ZMYM1: variants seen among roughly 807,000 people sequenced by gnomAD.
The protein encoded by ZMYM1 is zinc finger MYM-type containing 1.
A neutral mutation model predicts 60.0 loss-of-function variants in ZMYM1; 39 were observed. The ratio of observed to expected loss-of-function variants is 0.65; its 90% CI spans 0.50 to 0.85. The LOEUF (loss-of-function observed/expected upper bound fraction) is 0.85, where lower values mean the gene tolerates loss of function less well. ZMYM1 is among the 40% of genes least tolerant of loss of function. The probability of loss-of-function intolerance (pLI) is 0.00; values close to 1 mark genes in which losing one functional copy is unlikely to be tolerated. For missense variants in ZMYM1, 1,171 were observed against 1,309.5 expected, an observed-to-expected ratio of 0.89 and a Z score of 1.63; for synonymous variants, 413 against 454.0, an observed-to-expected ratio of 0.91 and a Z score of 1.15.
chr1:35,101,636 C>G (rs544090619), intron 4 of ZMYM1, among the ~76,000 whole-genome samples: 1 of 151,488 alleles, frequency 6.6e-6, no homozygotes, highest in African/African-American at 2.4e-5. Context: ...CTCTTACAAC[C>G]GCCCACCCCC....
intron 2 of ZMYM1, 94 bp downstream of exon 2, chr1:35,094,177 A>G: frequency 9.6e-7 from 1 of 1,046,084 alleles, no homozygotes; most frequent in East Asian, 2.7e-5. Flanking sequence ...TGAAAAACTC[A>G]AATCCTTATC....
Position 35,113,569 on chromosome 1 carries a change from CTG to C in ZMYM1, c.1742_1743del (p.Val581GlufsTer2). The C allele has an allele frequency of 6.2e-7, 1 of 1,613,694 alleles. No homozygotes were observed. The highest frequency in any genetic ancestry group is 8.5e-7 in the Non-Finnish European group (1 of 1,179,884). ...AGAGGAAACGACCAGTCAGTTTCAT[CTG>C]TGAATAAAGGCAATTTTTTAGAATT... On this transcript the variant is annotated frameshift_variant, in exon 10 of 10. Coordinates refer to ENST00000359858, the MANE Select transcript of ZMYM1 (RefSeq NM_024772.5). LOFTEE classifies it high-confidence loss of function.
chr1:35,078,205 C>G (rs1179769694), upstream of ZMYM1, among the ~76,000 whole-genome samples: 1 of 152,096 alleles, frequency 6.6e-6, no homozygotes, highest in Non-Finnish European at 1.5e-5. Context: ...TATAATATTT[C>G]AAATTACCAA....
At chr1:35,063,122 T>C (rs1468743644) in intron 1 of ZMYM1, among the ~76,000 whole-genome samples, 1 of 146,428 alleles carries the variant, frequency 6.8e-6, no homozygotes, top group African/African-American at 2.6e-5. Context: ...AGGTCAAGCC[T>C]TTTCTTTTTT....
At chr1:35,078,402 T>C (rs1445940076), upstream of ZMYM1, among the ~76,000 whole-genome samples, 1 of 152,086 alleles carries the variant, frequency 6.6e-6, no homozygotes, top group Non-Finnish European at 1.5e-5. Flanking sequence ...ACCTTATATA[T>C]ATATTTTAGA....
intron 1 of ZMYM1, among the ~76,000 whole-genome samples, chr1:35,071,229 C>T (rs12087198): frequency 0.14 from 21,068 of 151,836 alleles, 4,709 homozygotes; most frequent in African/African-American, 0.47. Context: ...GTGAATATGT[C>T]GAACCATACT....
downstream of ZMYM1, among the ~76,000 whole-genome samples, chr1:35,117,813 G>T (rs1481355828): frequency 6.6e-6 from 1 of 152,060 alleles, no homozygotes; most frequent in African/African-American, 2.4e-5. Context: ...GGTGGCACAT[G>T]CCTGTAATAC....
intron 1 of ZMYM1, among the ~76,000 whole-genome samples, chr1:35,092,941 T>A (rs962267429): frequency 2.0e-5 from 3 of 152,086 alleles, no homozygotes; most frequent in African/African-American, 7.2e-5. Context: ...GTTATTTTTT[T>A]AAAGCCAGGA....
At chr1:35,090,161 C>T (rs895785013) in intron 1 of ZMYM1, among the ~76,000 whole-genome samples, 1 of 152,070 alleles carries the variant, frequency 6.6e-6, no homozygotes, top group Non-Finnish European at 1.5e-5. Flanking sequence ...CCACCTCGGC[C>T]TCCCCAAGTG....
At chr1:35,090,685 A>AC (rs1436192362) in intron 1 of ZMYM1, among the ~76,000 whole-genome samples, 1 of 152,138 alleles carries the variant, frequency 6.6e-6, no homozygotes, top group African/African-American at 2.4e-5. Context: ...GGTGGCTCAC[A>AC]CCTGTAATCC....
At chr1:35,086,728 T>G (rs1642674604) in intron 1 of ZMYM1, among the ~76,000 whole-genome samples, 1 of 151,902 alleles carries the variant, frequency 6.6e-6, no homozygotes, top group Non-Finnish European at 1.5e-5. Flanking sequence ...TCACCCAGGC[T>G]TGAGCGACAG....
In ZMYM1 at chr1:35,115,281, C is replaced by G; in HGVS notation, c.*22C>G. Reference sequence around the variant, plus strand: ...ATAATACATGCTCATTTGAACTTACCTAAAAGACTTGTATTTCCATTGGGA... The same window carrying G: ...ATAATACATGCTCATTTGAACTTACGTAAAAGACTTGTATTTCCATTGGGA... On this transcript the variant is annotated 3_prime_UTR_variant, in exon 10 of 10. Coordinates refer to ENST00000359858, the MANE Select transcript of ZMYM1 (RefSeq NM_024772.5). 6.6e-7 allele frequency: 1 copy of G among 1,514,526 alleles called. No homozygotes were observed. The highest frequency in any genetic ancestry group is 8.8e-7 in the Non-Finnish European group (1 of 1,138,826). The allele number at this position is 1,514,526 out of a possible 1,614,324, so 93.8% of individuals were successfully genotyped here.
chr1:35,063,745 C>T (rs1569834176), intron 1 of ZMYM1, among the ~76,000 whole-genome samples: 1 of 152,160 alleles, frequency 6.6e-6, no homozygotes, highest in African/African-American at 2.4e-5. Flanking sequence ...CACAATATTA[C>T]GTGAACAAGA....
intron 9 of ZMYM1, 30 bp downstream of exon 9, chr1:35,112,160 T>C: frequency 6.2e-7 from 1 of 1,608,002 alleles, no homozygotes; most frequent in South Asian, 1.1e-5. Flanking sequence ...ACCACTGTCT[T>C]TTTTTAATAA....
At chr1:35,116,078 T>C (rs1295337684), downstream of ZMYM1, among the ~76,000 whole-genome samples, 1 of 152,110 alleles carries the variant, frequency 6.6e-6, no homozygotes, top group Admixed American at 6.6e-5. Flanking sequence ...AATTTTTTTT[T>C]TTTTAAATTA....
At chr1:35,076,984 T>C (rs775877917), upstream of ZMYM1, among the ~76,000 whole-genome samples, 32 of 151,850 alleles carry the variant, frequency 2.1e-4, no homozygotes, top group Middle Eastern at 0.01. Flanking sequence ...TCAAGCTTCC[T>C]ATCTCCCAGA....
intron 1 of ZMYM1, among the ~76,000 whole-genome samples, chr1:35,069,072 G>A (rs1009165720): frequency 1.3e-5 from 2 of 152,200 alleles, no homozygotes; most frequent in Non-Finnish European, 2.9e-5. Flanking sequence ...GACCTCAGGT[G>A]ATCTGCCTGC....
At chr1:35,099,279 A>C (rs959183688) in intron 4 of ZMYM1, among the ~76,000 whole-genome samples, 3 of 152,016 alleles carry the variant, frequency 2.0e-5, no homozygotes, top group Admixed American at 2.0e-4. Context: ...ATACTATACT[A>C]GTCTTTTGTC....
At chr1:35,074,131 A>T (rs1642124157) in intron 1 of ZMYM1, among the ~76,000 whole-genome samples, 1 of 152,074 alleles carries the variant, frequency 6.6e-6, no homozygotes, top group Non-Finnish European at 1.5e-5. Flanking sequence ...TCATTGACCA[A>T]TTGGTCATTC....
Sources: gnomAD v4.1 joint callset for allele counts (sites outside exome capture counted in the v4.1 genomes callset) on GRCh38, gnomAD v4.1.1 for gene constraint, MANE v1.5 for transcripts, NCBI Gene and HGNC (gene_info 2026-07-23, HGNC 2026-07-21) for gene names.